The following UBAC2 variants were observed in gnomAD, a reference collection of about 807,000 sequenced individuals.
The protein encoded by UBAC2 is ubiquitin-associated domain-containing protein 2.
In UBAC2, 26 loss-of-function variants were observed where a neutral mutation model predicts 44.0. The observed-to-expected ratio is 0.59, with a 90% CI of 0.43 to 0.82. The LOEUF (loss-of-function observed/expected upper bound fraction) is 0.82. Among genes scored for constraint, UBAC2 ranks in the 40% least tolerant of loss-of-function variants. The pLI, the probability that UBAC2 is intolerant of heterozygous loss-of-function variation, is 0.00. For missense variants in UBAC2, 329 were observed against 419.4 expected, an observed-to-expected ratio of 0.78 and a Z score of 1.88; for synonymous variants, 155 against 154.3, an observed-to-expected ratio of 1.00 and a Z score of -0.04.
At chr13:99,367,289 C>T (rs929160803) in intron 7 of UBAC2, among the ~76,000 whole-genome samples, 4 of 152,134 alleles carry the variant, frequency 2.6e-5, no homozygotes, top group Non-Finnish European at 5.9e-5. Context: ...TGTGTGCGCT[C>T]AGGATTTACT....
chr13:99,233,043 A>T (rs900796138), intron 1 of UBAC2, among the ~76,000 whole-genome samples: 4 of 152,196 alleles, frequency 2.6e-5, no homozygotes, highest in Non-Finnish European at 5.9e-5. Flanking sequence ...TCTAGCTCTG[A>T]TTACTGAAAG....
intron 6 of UBAC2, among the ~76,000 whole-genome samples, chr13:99,327,611 AATTT>A (rs1203266736): frequency 3.9e-5 from 6 of 151,998 alleles, no homozygotes; most frequent in Non-Finnish European, 7.4e-5. Context: ...TGTCGTTTTG[AATTT>A]ATTTATTATT....
chr13:99,201,303 C>A, intron 1 of UBAC2: 4 of 1,477,538 alleles, frequency 2.7e-6, no homozygotes, highest in Non-Finnish European at 3.6e-6. Flanking sequence ...GGGCCGTCCC[C>A]CTTACCATGC....
chr13:99,245,081 G>T (rs1289151663), intron 4 of UBAC2, among the ~76,000 whole-genome samples: 1 of 152,018 alleles, frequency 6.6e-6, no homozygotes, highest in Non-Finnish European at 1.5e-5. Flanking sequence ...TGATCCACCC[G>T]CCTCGGCCTC....
intron 4 of UBAC2, among the ~76,000 whole-genome samples, chr13:99,298,796 G>A (rs976224315): frequency 6.6e-6 from 1 of 152,170 alleles, no homozygotes; most frequent in Non-Finnish European, 1.5e-5. Context: ...GTGAAAAGCA[G>A]CTTTTCAGGA....
rs2043277710 is a variant in UBAC2, at chr13:99,239,596, A to G, written c.159+1042A>G. On this transcript the variant is annotated intron_variant, in intron 2 of 8. Coordinates refer to ENST00000403766, the MANE Select transcript of UBAC2 (RefSeq NM_001144072.2). Reference sequence around the variant, plus strand: ...GTAAGGGCCCCCGGGCCTTGGGTTGATACCTTCCTAATTTCTGGAGTTAAT... The same window carrying G: ...GTAAGGGCCCCCGGGCCTTGGGTTGGTACCTTCCTAATTTCTGGAGTTAAT... 1.3e-5 allele frequency among the ~76,000 whole-genome samples: 2 copies of G among 152,198 alleles called. 1 individual carries two copies. Among genetic ancestry groups the G allele is most frequent in the African/African-American group, 4.8e-5 (2 of 41,446 alleles).
intron 1 of UBAC2, among the ~76,000 whole-genome samples, chr13:99,211,015 A>G (rs957203313): frequency 6.6e-6 from 1 of 152,188 alleles, no homozygotes; most frequent in Admixed American, 6.5e-5. Flanking sequence ...TAACTTTCAG[A>G]TATTCATAGA....
At position 99,385,484 on chromosome 13, in the gene UBAC2, A is replaced by G; in HGVS notation, c.*149A>G. ...CACCGCACCCCTGCCCTCAACCGCAAGACTGTTGCCGTTTTAGTGTGGAGA... is the reference window on the plus strand; with the variant it reads ...CACCGCACCCCTGCCCTCAACCGCAGGACTGTTGCCGTTTTAGTGTGGAGA... On this transcript the variant is annotated 3_prime_UTR_variant, in exon 9 of 9. Coordinates refer to ENST00000403766, the MANE Select transcript of UBAC2 (RefSeq NM_001144072.2). 1.6e-6 allele frequency: 1 copy of G among 612,752 alleles called. No individual in the cohort carries two copies. The highest frequency in any genetic ancestry group is 2.0e-5 in the South Asian group (1 of 50,572). The allele number at this position is 612,752 out of a possible 1,614,324, so 38.0% of individuals were successfully genotyped here.
intron 6 of UBAC2, among the ~76,000 whole-genome samples, chr13:99,325,354 C>T (rs561615127): frequency 1.3e-3 from 198 of 152,202 alleles, no homozygotes; most frequent in South Asian, 3.5e-3. Context: ...CCACCCGCCT[C>T]GGCCTCCCAA....
intron 4 of UBAC2, among the ~76,000 whole-genome samples, chr13:99,306,040 TG>T (rs1382965125): frequency 6.6e-6 from 1 of 152,046 alleles, no homozygotes; most frequent in Non-Finnish European, 1.5e-5. Context: ...GGATTATAGG[TG>T]AGTGCCACCG....
intron 4 of UBAC2, among the ~76,000 whole-genome samples, chr13:99,247,742 T>G (rs1285645757): frequency 6.6e-6 from 1 of 152,156 alleles, no homozygotes; most frequent in East Asian, 1.9e-4. Flanking sequence ...TCCCCGGAAC[T>G]TAAAATAAAA....
intron 6 of UBAC2, among the ~76,000 whole-genome samples, chr13:99,340,081 A>G (rs1306762267): frequency 3.9e-5 from 6 of 152,188 alleles, no homozygotes; most frequent in Non-Finnish European, 4.4e-5. Context: ...AAATGATTAG[A>G]ATTTTGCTAG....
intron 1 of UBAC2, among the ~76,000 whole-genome samples, chr13:99,214,160 C>G (rs976186221): frequency 6.6e-6 from 1 of 151,720 alleles, no homozygotes; most frequent in Non-Finnish European, 1.5e-5. Context: ...GAACTTAGGT[C>G]AGAAAACCTG....
chr13:99,336,336 A>G (rs1013473751), intron 6 of UBAC2, among the ~76,000 whole-genome samples: 4 of 152,138 alleles, frequency 2.6e-5, no homozygotes, highest in African/African-American at 9.7e-5. Context: ...TTAAATTGTA[A>G]AGTAGACCAG....
chr13:99,348,444 G>T (rs559679629), intron 7 of UBAC2, among the ~76,000 whole-genome samples: 1 of 152,288 alleles, frequency 6.6e-6, no homozygotes, highest in East Asian at 1.9e-4. Flanking sequence ...AGTCACGGGG[G>T]GCCTTATGAA....
chr13:99,212,138 C>T (rs1222323648), intron 1 of UBAC2, among the ~76,000 whole-genome samples: 1 of 152,166 alleles, frequency 6.6e-6, no homozygotes. Flanking sequence ...CTCAACCTGT[C>T]TCAATATCAG....
chr13:99,241,982 A>G (rs1431054659), intron 2 of UBAC2, among the ~76,000 whole-genome samples: 2 of 151,028 alleles, frequency 1.3e-5, no homozygotes, highest in African/African-American at 4.9e-5. Context: ...AACAAAGCAC[A>G]TCTTGCACCG....
intron 4 of UBAC2, among the ~76,000 whole-genome samples, chr13:99,268,209 G>A (rs1235632235): frequency 1.3e-5 from 2 of 152,202 alleles, no homozygotes; most frequent in Non-Finnish European, 2.9e-5. Flanking sequence ...GGAGATAAGG[G>A]AACAGTGGGT....
At chr13:99,268,362 C>T (rs369893966) in intron 4 of UBAC2, among the ~76,000 whole-genome samples, 1 of 152,098 alleles carries the variant, frequency 6.6e-6, no homozygotes, top group African/African-American at 2.4e-5. Context: ...CCTGTAATCT[C>T]GGCATTTTGG....
Sources: allele counts gnomAD v4.1 joint callset (sites outside exome capture counted in the v4.1 genomes callset), GRCh38; gene constraint gnomAD v4.1.1; transcripts MANE v1.5; gene names NCBI Gene and HGNC (gene_info 2026-07-23, HGNC 2026-07-21).